The following GRIK2 variants were observed in gnomAD, a reference collection of about 807,000 sequenced individuals.
GRIK2 encodes glutamate ionotropic receptor kainate type subunit 2.
A neutral mutation model predicts 100.3 loss-of-function variants in GRIK2; 32 were observed. The ratio of observed to expected loss-of-function variants is 0.32; its 90% confidence interval spans 0.24 to 0.43. GRIK2 has a LOEUF of 0.43. Ranked by LOEUF, GRIK2 falls within the 20% of genes least tolerant of loss-of-function variation. GRIK2 has a pLI of 1.00. For missense variants in GRIK2, 843 were observed against 1,114.9 expected (o/e 0.76, Z 3.47); for synonymous variants, 417 against 389.4 (o/e 1.07, Z -0.83).
At chr6:101,424,312 C>T (rs1177631478) in intron 2 of GRIK2, among the ~76,000 whole-genome samples, 1 of 150,898 alleles carries the variant, frequency 6.6e-6, no homozygotes, top group Non-Finnish European at 1.5e-5. Flanking sequence ...AATGCTATCC[C>T]TCCCCCATCC....
intron 4 of GRIK2, among the ~76,000 whole-genome samples, chr6:101,646,970 C>T (rs1041804536): frequency 6.6e-6 from 1 of 151,920 alleles, no homozygotes; most frequent in Non-Finnish European, 1.5e-5. Flanking sequence ...ATTGAAAGCT[C>T]GCTGCATGCC....
intron 7 of GRIK2, among the ~76,000 whole-genome samples, chr6:101,735,861 A>G (rs1400808677): frequency 6.6e-6 from 1 of 152,190 alleles, no homozygotes; most frequent in Admixed American, 6.5e-5. Context: ...AAAGTTCACA[A>G]TCGAAAGTCT....
At chr6:101,996,834 T>C (rs1334428041) in intron 14 of GRIK2, among the ~76,000 whole-genome samples, 1 of 152,088 alleles carries the variant, frequency 6.6e-6, no homozygotes, top group African/African-American at 2.4e-5. Context: ...CTTAGTTTCC[T>C]CCACCATTGG....
At chr6:101,795,289 C>G (rs1780217603) in intron 7 of GRIK2, among the ~76,000 whole-genome samples, 1 of 152,144 alleles carries the variant, frequency 6.6e-6, no homozygotes, top group African/African-American at 2.4e-5. Flanking sequence ...GCATAGTCCT[C>G]ATATGATTTT....
intron 2 of GRIK2, among the ~76,000 whole-genome samples, chr6:101,414,369 C>A (rs1275576598): frequency 6.6e-6 from 1 of 152,112 alleles, no homozygotes; most frequent in African/African-American, 2.4e-5. Flanking sequence ...TAATTTATTT[C>A]TTCTGTATTT....
chr6:101,978,512 C>T (rs560428038), intron 14 of GRIK2, among the ~76,000 whole-genome samples: 2 of 151,888 alleles, frequency 1.3e-5, no homozygotes, highest in Admixed American at 6.6e-5. Flanking sequence ...TTACTTTTTT[C>T]TCCTTGAACA....
intron 2 of GRIK2, among the ~76,000 whole-genome samples, chr6:101,484,384 A>G (rs1222836201): frequency 1.3e-5 from 2 of 152,206 alleles, no homozygotes; most frequent in African/African-American, 2.4e-5. Context: ...CCTGAATATT[A>G]CTACTTTAGC....
chr6:101,436,222 A>G (rs1240876498), intron 2 of GRIK2, among the ~76,000 whole-genome samples: 1 of 152,150 alleles, frequency 6.6e-6, no homozygotes, highest in African/African-American at 2.4e-5. Flanking sequence ...CTAATTATTC[A>G]TTTTTATGAG....
At chr6:101,630,258 G>A (rs183218024) in intron 4 of GRIK2, among the ~76,000 whole-genome samples, 7 of 152,032 alleles carry the variant, frequency 4.6e-5, no homozygotes, top group East Asian at 1.9e-4. Flanking sequence ...GTCAAATGTC[G>A]TTCTATGTTT....
chr6:101,425,292 A>G (rs563846353), intron 2 of GRIK2, among the ~76,000 whole-genome samples: 7 of 152,356 alleles, frequency 4.6e-5, no homozygotes, highest in East Asian at 1.9e-4. Flanking sequence ...ATAGATAAGC[A>G]TAAAAACTAG....
At chr6:101,510,644 T>C (rs1774259881) in intron 2 of GRIK2, among the ~76,000 whole-genome samples, 1 of 148,498 alleles carries the variant, frequency 6.7e-6, no homozygotes, top group African/African-American at 2.5e-5. Context: ...TGCCTCAGCC[T>C]CCCGAGTAGC....
At position 101,760,534 on chromosome 6, in the gene GRIK2, T is replaced by A. The variant is rs1166447531; in HGVS notation, c.952-39114T>A. Reference sequence around the variant, plus strand: ...TATTTATTATATATAATTAATTATATTTAATTATATATTTATTATATATAA... The same window carrying A: ...TATTTATTATATATAATTAATTATAATTAATTATATATTTATTATATATAA... On this transcript the variant is annotated intron_variant, in intron 7 of 16. Coordinates refer to ENST00000369134, the MANE Select transcript of GRIK2 (RefSeq NM_021956.5). Among the ~76,000 whole-genome samples, 61 of 87,518 alleles carry A rather than the reference T, an allele frequency of 7.0e-4. 1 individual carries two copies. The highest frequency in any genetic ancestry group is 1.0e-3 in the Non-Finnish European group (53 of 50,698). 57.4% of individuals were successfully genotyped at this position (87,518 alleles called of 152,430 possible).
chr6:102,012,056 G>T (rs1279335974), intron 14 of GRIK2, among the ~76,000 whole-genome samples: 15 of 152,010 alleles, frequency 9.9e-5, no homozygotes, highest in Admixed American at 9.8e-4. Context: ...AAACGTGTAA[G>T]GTCTGTGTCT....
chr6:102,065,354 T>C (rs1446675117), intron 16 of GRIK2, among the ~76,000 whole-genome samples: 2 of 151,322 alleles, frequency 1.3e-5, no homozygotes, highest in Non-Finnish European at 3.0e-5. Context: ...AACTTAATAT[T>C]ATATGAAATT....
At chr6:101,759,472 G>C (rs984683138) in intron 7 of GRIK2, among the ~76,000 whole-genome samples, 22 of 152,116 alleles carry the variant, frequency 1.4e-4, no homozygotes, top group Non-Finnish European at 2.6e-4. Context: ...AATACACATT[G>C]TATCTATTGA....
intron 2 of GRIK2, among the ~76,000 whole-genome samples, chr6:101,499,112 T>C (rs13194051): frequency 6.6e-6 from 1 of 151,940 alleles, no homozygotes; most frequent in Non-Finnish European, 1.5e-5. Context: ...TTACACCTTA[T>C]ACAAAAATTA....
At chr6:101,665,839 A>G (rs1203989532) in intron 4 of GRIK2, among the ~76,000 whole-genome samples, 1 of 152,086 alleles carries the variant, frequency 6.6e-6, no homozygotes, top group African/African-American at 2.4e-5. Flanking sequence ...TGACACCTCT[A>G]TTTTTTATTT....
At position 101,559,201 on chromosome 6, in the gene GRIK2, GT is replaced by G. The variant is rs200213400; in HGVS notation, c.116-62739del. Among the ~76,000 whole-genome samples, 236 of 151,014 alleles carry G rather than the reference GT, an allele frequency of 1.6e-3. 2 individuals carry two copies. The highest frequency in any genetic ancestry group is 3.8e-3 in the South Asian group (18 of 4,788). On this transcript the variant is annotated intron_variant, in intron 2 of 16. Coordinates refer to ENST00000369134, the MANE Select transcript of GRIK2 (RefSeq NM_021956.5). ...TTCACTACCTGCAGCCTCTTCTCCAGTTTTTTTTTATACCAGAGTTAAAATA... is the reference window on the plus strand; with the variant it reads ...TTCACTACCTGCAGCCTCTTCTCCAGTTTTTTTTATACCAGAGTTAAAATA...
intron 14 of GRIK2, among the ~76,000 whole-genome samples, chr6:101,965,617 C>T (rs1469730221): frequency 6.6e-6 from 1 of 152,158 alleles, no homozygotes. Context: ...CATGTTATCA[C>T]ACACAATTGT....
Sources: gnomAD v4.1 joint callset for allele counts (sites outside exome capture counted in the v4.1 genomes callset) on GRCh38, gnomAD v4.1.1 for gene constraint, MANE v1.5 for transcripts, NCBI Gene and HGNC (gene_info 2026-07-23, HGNC 2026-07-21) for gene names.